Variants in STOX1 observed in about 807,000 individuals in gnomAD.
The protein encoded by STOX1 is storkhead-box protein 1.
A neutral mutation model predicts 74.8 loss-of-function variants in STOX1; 57 were observed. That is an observed-to-expected ratio of 0.76 (90% CI 0.62 to 0.95). STOX1 has a LOEUF of 0.95. STOX1 is among the 40% of genes least tolerant of loss of function. The probability of loss-of-function intolerance (pLI) is 0.00; values close to 1 mark genes in which losing one functional copy is unlikely to be tolerated. For missense variants in STOX1, 1,010 were observed against 1,117.0 expected, an observed-to-expected ratio of 0.90 and a Z score of 1.37; for synonymous variants, 375 against 401.3, an observed-to-expected ratio of 0.93 and a Z score of 0.78.
At chr10:68,875,358 C>G (rs1564584076) in intron 1 of STOX1, among the ~76,000 whole-genome samples, 1 of 152,170 alleles carries the variant, frequency 6.6e-6, no homozygotes, top group Admixed American at 6.5e-5. Context: ...CCACAGGGCC[C>G]CTGGTTGAAG....
chr10:68,863,703 G>C (rs1319391977), intron 1 of STOX1, among the ~76,000 whole-genome samples: 1 of 151,960 alleles, frequency 6.6e-6, no homozygotes, highest in Non-Finnish European at 1.5e-5. Context: ...TTTGCAATTG[G>C]GTAAATAAAG....
At position 68,892,636 on chromosome 10, in the gene STOX1, AAAG is replaced by A. The variant is rs1841124526; in HGVS notation, c.2875_2877del (p.Arg959del). Reference sequence around the variant, plus strand: ...AATTCAGTCATTTTGGATGGACTAAAAAGAAGACAGAATTTTCTGCAAAATGTC... The same window carrying A: ...AATTCAGTCATTTTGGATGGACTAAAAAGACAGAATTTTCTGCAAAATGTC... On this transcript the variant is annotated inframe_deletion, in exon 4 of 4. Transcript: ENST00000298596. 5.0e-6 allele frequency: 8 copies of A among 1,613,740 alleles called. No homozygotes were observed. The South Asian group carries it at 8.8e-5, about 18-fold the overall frequency.
chr10:68,877,732 A>G (rs1011027567), intron 1 of STOX1, among the ~76,000 whole-genome samples: 4 of 152,162 alleles, frequency 2.6e-5, no homozygotes, highest in African/African-American at 9.7e-5. Flanking sequence ...TCTCTCTTTC[A>G]GTGTTCTCCC....
chr10:68,839,919 C>A (rs909836910), intron 1 of STOX1, among the ~76,000 whole-genome samples: 1 of 151,920 alleles, frequency 6.6e-6, no homozygotes, highest in Non-Finnish European at 1.5e-5. Flanking sequence ...CACACACAAA[C>A]AAAACAAAAA....
At chr10:68,863,346 TC>T (rs1840312695) in intron 1 of STOX1, among the ~76,000 whole-genome samples, 1 of 151,998 alleles carries the variant, frequency 6.6e-6, no homozygotes, top group Non-Finnish European at 1.5e-5. Flanking sequence ...TGACTGGTTG[TC>T]CCGCCTTCCT....
At chr10:68,861,785 T>C (rs1286312556) in intron 1 of STOX1, among the ~76,000 whole-genome samples, 1 of 152,158 alleles carries the variant, frequency 6.6e-6, no homozygotes, top group African/African-American at 2.4e-5. Flanking sequence ...GTTCCTGGCA[T>C]TAAGGTCAGG....
intron 1 of STOX1, among the ~76,000 whole-genome samples, chr10:68,840,612 G>A (rs903040198): frequency 6.6e-6 from 1 of 152,072 alleles, no homozygotes; most frequent in Admixed American, 6.6e-5. Context: ...ACAGGCTGGA[G>A]TGCACTGGTG....
At chr10:68,849,280 C>T (rs1360553634) in intron 1 of STOX1, among the ~76,000 whole-genome samples, 2 of 152,146 alleles carry the variant, frequency 1.3e-5, no homozygotes, top group African/African-American at 2.4e-5. Flanking sequence ...CAGCTCCTTC[C>T]AGTCTCTGAA....
At chr10:68,847,880 C>T (rs1839892618) in intron 1 of STOX1, among the ~76,000 whole-genome samples, 1 of 152,076 alleles carries the variant, frequency 6.6e-6, no homozygotes, top group Non-Finnish European at 1.5e-5. Flanking sequence ...TACAGGCATG[C>T]ACCACCAAGC....
intron 1 of STOX1, among the ~76,000 whole-genome samples, chr10:68,850,427 T>C (rs1164263421): frequency 6.6e-6 from 1 of 152,224 alleles, no homozygotes; most frequent in Non-Finnish European, 1.5e-5. Flanking sequence ...TTAAACACTT[T>C]CCAACTTAAA....
At chr10:68,877,375 A>G (rs1840704981) in intron 1 of STOX1, among the ~76,000 whole-genome samples, 2 of 152,206 alleles carry the variant, frequency 1.3e-5, no homozygotes, top group Non-Finnish European at 2.9e-5. Context: ...GAAAAATGTA[A>G]GAAAAAAGTT....
chr10:68,890,119 CTGTTTAGCAT>C (rs1296815084), intron 3 of STOX1, among the ~76,000 whole-genome samples: 1 of 151,838 alleles, frequency 6.6e-6, no homozygotes, highest in Non-Finnish European at 1.5e-5. Flanking sequence ...TTTTTAATGG[CTGTTTAGCAT>C]TCTGTTATGT....
At chr10:68,852,351 C>T (rs1478672239) in intron 1 of STOX1, among the ~76,000 whole-genome samples, 21 of 147,358 alleles carry the variant, frequency 1.4e-4, no homozygotes, top group African/African-American at 4.3e-4. Flanking sequence ...CTCCGCTTCC[C>T]GGGTTCACGC....
intron 1 of STOX1, among the ~76,000 whole-genome samples, chr10:68,843,182 G>T (rs971501455): frequency 6.6e-6 from 1 of 152,110 alleles, no homozygotes; most frequent in Non-Finnish European, 1.5e-5. Context: ...GGGACTGTAG[G>T]CGTGGGCCAC....
chr10:68,891,338 C>T (rs940830158), intron 3 of STOX1, among the ~76,000 whole-genome samples: 1 of 152,218 alleles, frequency 6.6e-6, no homozygotes, highest in African/African-American at 2.4e-5. Context: ...AAACAATAAA[C>T]ATAGGCAAGT....
chr10:68,888,096 C>G (rs572656371), intron 3 of STOX1, among the ~76,000 whole-genome samples: 2 of 151,902 alleles, frequency 1.3e-5, no homozygotes, highest in Non-Finnish European at 2.9e-5. Flanking sequence ...CACACACACG[C>G]GCACACACAC....
chr10:68,862,093 G>A (rs558470183), intron 1 of STOX1, among the ~76,000 whole-genome samples: 19 of 152,034 alleles, frequency 1.2e-4, no homozygotes, highest in South Asian at 4.2e-4. Flanking sequence ...TTCTTTTGCC[G>A]TTTAGTTACA....
intron 1 of STOX1, among the ~76,000 whole-genome samples, chr10:68,837,287 T>A (rs1425712818): frequency 6.6e-6 from 1 of 152,206 alleles, no homozygotes; most frequent in African/African-American, 2.4e-5. Flanking sequence ...GATGTTAGCG[T>A]AGTGAGAAGC....
chr10:68,844,674 T>G (rs1473250190), intron 1 of STOX1, among the ~76,000 whole-genome samples: 1 of 152,222 alleles, frequency 6.6e-6, no homozygotes, highest in Non-Finnish European at 1.5e-5. Context: ...AATTGTAGGA[T>G]TTCTTCATAT....
Sources: allele counts gnomAD v4.1 joint callset (sites outside exome capture counted in the v4.1 genomes callset), GRCh38; gene constraint gnomAD v4.1.1; transcripts MANE v1.5; gene names NCBI Gene and HGNC (gene_info 2026-07-23, HGNC 2026-07-21).